PSMB7: variants seen among roughly 807,000 people sequenced by gnomAD.
PSMB7 encodes the protein proteasome subunit beta type-7.
In PSMB7, 5 loss-of-function variants were observed where a neutral mutation model predicts 28.1. That is an observed-to-expected ratio of 0.18 (90% CI 0.09 to 0.37). PSMB7 has a LOEUF of 0.37. Ranked by LOEUF, PSMB7 falls within the 10% of genes least tolerant of loss-of-function variation. The pLI is 1.00. For synonymous variants in PSMB7, 122 were observed against 123.7 expected (o/e 0.99, Z 0.09); for missense variants, 275 against 346.2 (o/e 0.79, Z 1.63).
chr9:124,365,808 G>C (rs1035701132), intron 6 of PSMB7, among the ~76,000 whole-genome samples: 6 of 152,140 alleles, frequency 3.9e-5, no homozygotes, highest in Non-Finnish European at 5.9e-5. Flanking sequence ...TCAGCTACTT[G>C]GGAGGCTGAG....
rs567938652 is a variant in PSMB7 at position 124,411,093 on chromosome 9, A to G, written c.395+1259T>C. On this transcript the variant is annotated intron_variant, in intron 4 of 7. Transcript: ENST00000259457. Reference sequence around the variant, plus strand: ...CAGGTTCAAGCGATTCTCCTGTCTCAGCCTCCCAAGTAGCTGGGATTACAG... The same window carrying G: ...CAGGTTCAAGCGATTCTCCTGTCTCGGCCTCCCAAGTAGCTGGGATTACAG... Among the ~76,000 whole-genome samples the G allele has an allele frequency of 6.6e-5, 10 of 151,920 alleles. No individual in the cohort carries two copies. In the South Asian group the frequency reaches 2.1e-3, roughly 32 times the overall value.
At chr9:124,403,057 G>C (rs1830928258) in intron 5 of PSMB7, among the ~76,000 whole-genome samples, 1 of 152,078 alleles carries the variant, frequency 6.6e-6, no homozygotes, top group Non-Finnish European at 1.5e-5. Flanking sequence ...GTGGAGCCAA[G>C]ACACCAAGAC....
intron 6 of PSMB7, among the ~76,000 whole-genome samples, chr9:124,366,424 T>C (rs1021135351): frequency 3.3e-5 from 5 of 152,240 alleles, no homozygotes; most frequent in South Asian, 2.1e-4. Flanking sequence ...AAAGAGCTTA[T>C]AGACTAAGGA....
chr9:124,405,481 T>C (rs1268129630), intron 4 of PSMB7, 49 bp from the exon 5 acceptor site: 1 of 1,321,466 alleles, frequency 7.6e-7, no homozygotes, highest in South Asian at 1.2e-5. Context: ...CCACAAAGCA[T>C]CACTGTAACT....
chr9:124,399,686 G>A (rs975276396), intron 5 of PSMB7, among the ~76,000 whole-genome samples: 3 of 152,216 alleles, frequency 2.0e-5, no homozygotes, highest in Admixed American at 6.5e-5. Context: ...AGGAGCTGGC[G>A]CTGAGGAACG....
At chr9:124,376,389 T>C (rs1188775285) in intron 6 of PSMB7, among the ~76,000 whole-genome samples, 1 of 150,390 alleles carries the variant, frequency 6.6e-6, no homozygotes, top group African/African-American at 2.4e-5. Context: ...AGTTTAAAAA[T>C]GAAAAAAAAA....
intron 6 of PSMB7, among the ~76,000 whole-genome samples, chr9:124,364,878 T>C (rs2131146166): frequency 6.6e-6 from 1 of 152,260 alleles, no homozygotes; most frequent in East Asian, 1.9e-4. Context: ...AGAGCCGCGT[T>C]CCCACCTCCA....
chr9:124,377,012 T>C (rs1259268957), intron 6 of PSMB7, among the ~76,000 whole-genome samples: 5 of 152,238 alleles, frequency 3.3e-5, no homozygotes, highest in Non-Finnish European at 7.3e-5. Flanking sequence ...CCTGTATCTA[T>C]CTATATCATG....
intron 6 of PSMB7, among the ~76,000 whole-genome samples, chr9:124,364,614 T>C (rs1356351321): frequency 1.3e-5 from 2 of 151,064 alleles, no homozygotes; most frequent in African/African-American, 4.9e-5. Context: ...CTGTGGCAGA[T>C]ACTAATAAGA....
chr9:124,386,873 A>G (rs1830726488), intron 5 of PSMB7, among the ~76,000 whole-genome samples: 1 of 151,734 alleles, frequency 6.6e-6, no homozygotes, highest in Admixed American at 6.6e-5. Flanking sequence ...TCCTAGGCAC[A>G]TATATTTCCT....
chr9:124,365,416 G>A lies in PSMB7; in HGVS notation c.571-8501C>T, dbSNP rs180906554. On this transcript the variant is annotated intron_variant, in intron 6 of 7. Coordinates refer to ENST00000259457, the MANE Select transcript of PSMB7 (RefSeq NM_002799.4). ...GACGTGTAGGCAGGAAGAGAGCCATGAACATGGGAAGGAGAAAGGTGTGGT... is the reference window on the plus strand; with the variant it reads ...GACGTGTAGGCAGGAAGAGAGCCATAAACATGGGAAGGAGAAAGGTGTGGT... 3.9e-3 allele frequency among the ~76,000 whole-genome samples: 594 copies of A among 152,288 alleles called. 1 individual carries two copies. The highest frequency in any genetic ancestry group is 0.014 in the African/African-American group (562 of 41,552).
intron 4 of PSMB7, among the ~76,000 whole-genome samples, chr9:124,406,877 C>T (rs568627191): frequency 1.3e-5 from 2 of 151,996 alleles, no homozygotes; most frequent in Admixed American, 6.6e-5. Flanking sequence ...TTACTCCTAA[C>T]GTGGGAGGCT....
chr9:124,370,075 C>T lies in PSMB7; in HGVS notation c.571-13160G>A, dbSNP rs551504452. ...CACCCTTCACATGTCTGAAGGACCACCGTCTATCAACAGTTTACAGAGGGC... is the reference window on the plus strand; with the variant it reads ...CACCCTTCACATGTCTGAAGGACCATCGTCTATCAACAGTTTACAGAGGGC... On this transcript the variant is annotated intron_variant, in intron 6 of 7. Coordinates refer to ENST00000259457, the MANE Select transcript of PSMB7 (RefSeq NM_002799.4). Among the ~76,000 whole-genome samples the T allele has an allele frequency of 1.1e-4, 17 of 152,296 alleles. No homozygotes were observed. In the South Asian group the frequency reaches 3.5e-3, roughly 32 times the overall value.
chr9:124,366,877 G>A (rs1414784115), intron 6 of PSMB7, among the ~76,000 whole-genome samples: 1 of 152,262 alleles, frequency 6.6e-6, no homozygotes, highest in Non-Finnish European at 1.5e-5. Context: ...GCAACAGGTT[G>A]CACCATAGTG....
intron 4 of PSMB7, among the ~76,000 whole-genome samples, chr9:124,410,961 A>G (rs964270487): frequency 2.0e-5 from 3 of 152,176 alleles, no homozygotes; most frequent in African/African-American, 7.2e-5. Context: ...TTCAAAAGAC[A>G]GAAATCTAGA....
chr9:124,405,629 T>C (rs77255967), intron 4 of PSMB7, among the ~76,000 whole-genome samples, 197 bp from the exon 5 acceptor site: 4,188 of 152,280 alleles, frequency 0.028, 96 homozygotes, highest in Non-Finnish European at 0.039. Context: ...GTATAAACTA[T>C]AAATTATGTG....
chr9:124,411,911 C>G (rs1831030829), intron 4 of PSMB7, among the ~76,000 whole-genome samples: 1 of 151,674 alleles, frequency 6.6e-6, no homozygotes, highest in South Asian at 2.1e-4. Flanking sequence ...ATCATACCCA[C>G]TGACAGCCAA....
intron 6 of PSMB7, among the ~76,000 whole-genome samples, chr9:124,381,695 A>T (rs1272218849): frequency 6.6e-6 from 1 of 152,256 alleles, no homozygotes; most frequent in East Asian, 1.9e-4. Context: ...ATACAGACGC[A>T]GAACCAGAAA....
chr9:124,355,997 C>T (rs1024253149), intron 7 of PSMB7, among the ~76,000 whole-genome samples: 2 of 152,166 alleles, frequency 1.3e-5, no homozygotes, highest in East Asian at 1.9e-4. Flanking sequence ...GAGTGGGAGC[C>T]GTAGTTTATA....
Sources: gnomAD v4.1 joint callset for allele counts (sites outside exome capture counted in the v4.1 genomes callset) on GRCh38, gnomAD v4.1.1 for gene constraint, MANE v1.5 for transcripts, NCBI Gene and HGNC (gene_info 2026-07-23, HGNC 2026-07-21) for gene names.